Variants in BET1L observed in about 807,000 individuals in gnomAD.
BET1L encodes Bet1 golgi vesicular membrane trafficking protein like, also known as BET1-like protein.
In BET1L, 13 loss-of-function variants were observed where a neutral mutation model predicts 12.6. The observed-to-expected ratio is 1.03, with a 90% CI of 0.67 to 1.64. The LOEUF is 1.64. BET1L is among the 40% of genes most tolerant of loss of function. BET1L has a pLI of 0.00. For missense variants in BET1L, 154 were observed against 150.7 expected (o/e 1.02, Z -0.11); for synonymous variants, 60 against 56.9 (o/e 1.05, Z -0.25).
rs532001860 is a variant in BET1L at position 204,973 on chromosome 11, C to T, written c.*329G>A. ...AAGGGCTGCAAGCCACAGGTGGCCACGTCTGGGATTCACCAGCTGCTCTGC... is the reference window on the plus strand; with the variant it reads ...AAGGGCTGCAAGCCACAGGTGGCCATGTCTGGGATTCACCAGCTGCTCTGC... On this transcript the variant is annotated 3_prime_UTR_variant, in exon 4 of 4. Transcript: ENST00000382762. The T allele has an allele frequency of 3.2e-4, 102 of 319,520 alleles. No homozygotes were observed. Among genetic ancestry groups the T allele is most frequent in the African/African-American group, 1.9e-3 (90 of 47,268 alleles). 19.8% of individuals were successfully genotyped at this position (319,520 alleles called of 1,614,324 possible).
intron 1 of BET1L, 35 bp downstream of exon 1, chr11:207,268 C>T (rs1434394811): frequency 1.3e-6 from 2 of 1,526,166 alleles, no homozygotes; most frequent in East Asian, 5.1e-5. Context: ...TTCGGCCCGG[C>T]CCTGCCCCCA....
At position 206,041 on chromosome 11, in the gene BET1L, G is replaced by C; in HGVS notation, c.22C>G (p.Gln8Glu). Residue 8 changes from glutamine to glutamate, a missense_variant and splice_region_variant, in exon 2 of 4, where the codon CAG becomes GAG. Gln to Glu is a conservative substitution (Grantham distance 29). Transcript: ENST00000382762. MADWARA[Q>E]SPGAVEEILD... is the part of the protein sequence containing the mutation. ...ATCTCTTCCACAGCGCCCGGGCTCT[G>C]AGCTGAGAAAAGAGAGGGGCTGAAG... 6.2e-7 allele frequency: 1 copy of C among 1,613,616 alleles called. No individual in the cohort carries two copies. Among genetic ancestry groups the C allele is most frequent in the Non-Finnish European group, 8.5e-7 (1 of 1,179,980 alleles).
chr11:205,906 T>G (rs778821808), intron 2 of BET1L, 46 bp downstream of exon 2: 15 of 1,591,766 alleles, frequency 9.4e-6, no homozygotes, highest in Non-Finnish European at 1.3e-5. Flanking sequence ...TGATCCCCAT[T>G]CCCCAAAGGC....
In BET1L at chr11:207,324, T is replaced by G; in HGVS notation, c.-3A>C. The G allele has an allele frequency of 6.7e-7, 1 of 1,501,390 alleles. No individual in the cohort carries two copies. Among genetic ancestry groups the G allele is most frequent in the African/African-American group, 1.5e-5 (1 of 66,060 alleles). The allele number at this position is 1,501,390 out of a possible 1,614,324, so 93.0% of individuals were successfully genotyped here. A position where few individuals can be genotyped will look rare whatever the true frequency, so the allele number is the denominator to read the frequency against. ...TCACCCCGAGCCCAGTCCGCCATCGTGCCCTGCCCCGGCTCCTCGACGCGG... is the reference window on the plus strand; with the variant it reads ...TCACCCCGAGCCCAGTCCGCCATCGGGCCCTGCCCCGGCTCCTCGACGCGG... On this transcript the variant is annotated 5_prime_UTR_variant, in exon 1 of 4. Transcript: ENST00000382762.
rs1590069325 is a variant in BET1L at position 203,659 on chromosome 11, G to C, written c.*1643C>G. 1 of 152,660 alleles carries C rather than the reference G, an allele frequency of 6.6e-6. No individual in the cohort carries two copies. The allele number at this position is 152,660 out of a possible 1,614,324, so 9.5% of individuals were successfully genotyped here. ...CTTGCCATGGCAGCCAAGGACACTG[G>C]TGCCGGAGGAACGACAGGGGCCTGC... On this transcript the variant is annotated 3_prime_UTR_variant, in exon 4 of 4. Coordinates refer to ENST00000382762, the MANE Select transcript of BET1L (RefSeq NM_001098787.2).
Position 205,299 on chromosome 11 carries a change from G to A in BET1L, c.*3C>T. 2 of 1,610,360 alleles carry A rather than the reference G, an allele frequency of 1.2e-6. No homozygotes were observed. Among genetic ancestry groups the A allele is most frequent in the South Asian group, 1.1e-5 (1 of 90,712 alleles). On this transcript the variant is annotated 3_prime_UTR_variant, in exon 4 of 4. Transcript: ENST00000382762. ...GCACCCACAGACACCAGCTCCCACT[G>A]GCTCACGTCCTTGCCCTGGACAAGA...
In BET1L at chr11:207,395, G is replaced by A; in HGVS notation, c.-74C>T. On this transcript the variant is annotated 5_prime_UTR_variant, in exon 1 of 4. Transcript: ENST00000382762. Reference sequence around the variant, plus strand: ...GCCTCAGACGTGGCGCAGTCGCGGGGAAAGAGCTTCCGGCCCCGCCCCCAG... The same window carrying A: ...GCCTCAGACGTGGCGCAGTCGCGGGAAAAGAGCTTCCGGCCCCGCCCCCAG... The A allele has an allele frequency of 7.9e-7, 1 of 1,261,058 alleles. No individual in the cohort carries two copies. The highest frequency in any genetic ancestry group is 1.0e-6 in the Non-Finnish European group (1 of 1,002,940). 78.1% of individuals were successfully genotyped at this position (1,261,058 alleles called of 1,614,324 possible).
At position 205,261 on chromosome 11, in the gene BET1L, C is replaced by A; in HGVS notation, c.*41G>T. 1 of 1,588,608 alleles carries A rather than the reference C, an allele frequency of 6.3e-7. No individual in the cohort carries two copies. The highest frequency in any genetic ancestry group is 1.1e-5 in the South Asian group (1 of 88,034). ...CCCAAAACACCAGGCAGGGAAGACC[C>A]TGGCTGCCCTTGGCACCCACAGACA... On this transcript the variant is annotated 3_prime_UTR_variant, in exon 4 of 4. Coordinates refer to ENST00000382762, the MANE Select transcript of BET1L (RefSeq NM_001098787.2).
rs778368262 is a variant in BET1L at position 207,294 on chromosome 11, C to T, written c.19+9G>A. Reference sequence around the variant, plus strand: ...CCTGCCCCCAACGGCTCCGCTCTCCCGCGCTCACCCCGAGCCCAGTCCGCC... The same window carrying T: ...CCTGCCCCCAACGGCTCCGCTCTCCTGCGCTCACCCCGAGCCCAGTCCGCC... On this transcript the variant is annotated intron_variant, in intron 1 of 3. Transcript: ENST00000382762. 2 of 1,540,266 alleles carry T rather than the reference C, an allele frequency of 1.3e-6. No homozygotes were observed. The highest frequency in any genetic ancestry group is 2.1e-4 in the Middle Eastern group (1 of 4,758).
rs560757708 is a variant in BET1L, at chr11:205,664, C to T, written c.115G>A (p.Ala39Thr). ...TCTGCATCCCTATCGATGTCCAGGG[C>T]GAGCTGTTCAGCAGACAGAGAGGGC... The part of the protein sequence containing the change: ...ASKVTRLKSL[A>T]LDIDRDAEDQ... Residue 39 changes from alanine to threonine, a missense_variant, in exon 3 of 4, where the codon GCC becomes ACC. By Grantham distance (58) the Ala-to-Thr change is moderately conservative. Coordinates refer to ENST00000382762, the MANE Select transcript of BET1L (RefSeq NM_001098787.2). 2.2e-5 allele frequency: 35 copies of T among 1,608,542 alleles called. No individual in the cohort carries two copies. Among genetic ancestry groups the T allele is most frequent in the South Asian group, 3.3e-5 (3 of 91,004 alleles).
chr11:206,083 G>T, intron 1 of BET1L, 40 bp from the exon 2 acceptor site: 1 of 1,582,918 alleles, frequency 6.3e-7, no homozygotes. Flanking sequence ...ATCCATCGGT[G>T]AGCACGGCCC....
At position 205,446 on chromosome 11, in the gene BET1L, G is replaced by C. The variant is rs1329494587; in HGVS notation, c.192C>G (p.Thr64=). ...GCTTCACGCTCCCTGTAAGCAGGCTGGTCATGCTTGTGAAATCCGAGTCCT... is the reference window on the plus strand; with the variant it reads ...GCTTCACGCTCCCTGTAAGCAGGCTCGTCATGCTTGTGAAATCCGAGTCCT... ...DGMDSDFTSM[T]SLLTGSVKRF... Residue 64 remains threonine, a synonymous_variant, in exon 4 of 4, where the codon ACC becomes ACG. Transcript: ENST00000382762. 1.2e-6 allele frequency: 2 copies of C among 1,614,208 alleles called. No individual in the cohort carries two copies. The highest frequency in any genetic ancestry group is 2.7e-5 in the African/African-American group (2 of 75,058).
rs1328339392 is a variant in BET1L, at chr11:207,334, C to G, written c.-13G>C. The G allele has an allele frequency of 8.4e-6, 11 of 1,308,130 alleles. No individual in the cohort carries two copies. Among genetic ancestry groups the G allele is most frequent in the South Asian group, 1.3e-5 (1 of 79,740 alleles). The allele number at this position is 1,308,130 out of a possible 1,614,324, so 81.0% of individuals were successfully genotyped here. On this transcript the variant is annotated 5_prime_UTR_variant, in exon 1 of 4. Coordinates refer to ENST00000382762, the MANE Select transcript of BET1L (RefSeq NM_001098787.2). ...CCCAGTCCGCCATCGTGCCCTGCCC[C>G]GGCTCCTCGACGCGGACACCGACGC...
At chr11:206,740 G>A (rs1554887890) in intron 1 of BET1L, among the ~76,000 whole-genome samples, 2 of 152,282 alleles carry the variant, frequency 1.3e-5, no homozygotes, top group Non-Finnish European at 2.9e-5. Flanking sequence ...CATCAGGTGC[G>A]TGAGAACCAC....
intron 1 of BET1L, 23 bp from the exon 2 acceptor site, chr11:206,066 G>A (rs1033467881): frequency 4.8e-5 from 77 of 1,608,066 alleles, no homozygotes; most frequent in Non-Finnish European, 6.4e-5. Context: ...AGGGGCTGAA[G>A]GGTTGCATCC....
chr11:206,926 T>G, intron 1 of BET1L: 1 of 281,878 alleles, frequency 3.5e-6, no homozygotes, highest in Non-Finnish European at 6.7e-6. Flanking sequence ...AAAGTAAGAG[T>G]CCTGCTTGGA....
At chr11:206,645 G>A (rs541806200) in intron 1 of BET1L, among the ~76,000 whole-genome samples, 1 of 152,278 alleles carries the variant, frequency 6.6e-6, no homozygotes, top group African/African-American at 2.4e-5. Context: ...CATCCCGCAT[G>A]GGGCTTCCTG....
chr11:205,736 G>T, intron 2 of BET1L, 69 bp from the exon 3 acceptor site: 1 of 1,554,490 alleles, frequency 6.4e-7, no homozygotes, highest in South Asian at 1.2e-5. Context: ...ACCCTCCCCA[G>T]ACCAGATAAA....
chr11:205,493 T>C, intron 3 of BET1L, 24 bp from the exon 4 acceptor site: 1 of 1,614,128 alleles, frequency 6.2e-7, no homozygotes, highest in Non-Finnish European at 8.5e-7. Context: ...CCCAGCAAGA[T>C]CACACAGAAG....
Sources: gnomAD v4.1 joint callset for allele counts (sites outside exome capture counted in the v4.1 genomes callset) on GRCh38, gnomAD v4.1.1 for gene constraint, MANE v1.5 for transcripts, NCBI Gene and HGNC (gene_info 2026-07-23, HGNC 2026-07-21) for gene names.